Variants in BCL2L13 observed in about 807,000 individuals in gnomAD.
The protein encoded by BCL2L13 is bcl-2-like protein 13.
A neutral mutation model predicts 25.8 loss-of-function variants in BCL2L13; 13 were observed. That is an observed-to-expected ratio of 0.50 (90% CI 0.33 to 0.80). BCL2L13 has a LOEUF of 0.80. Ranked by LOEUF, BCL2L13 falls within the 30% of genes least tolerant of loss-of-function variation. BCL2L13 has a pLI of 0.02. For synonymous variants in BCL2L13, 244 were observed against 230.3 expected (o/e 1.06, Z -0.54); for missense variants, 504 against 574.9 (o/e 0.88, Z 1.26).
intron 4 of BCL2L13, among the ~76,000 whole-genome samples, chr22:17,694,755 C>T (rs949917850): frequency 6.6e-6 from 1 of 152,134 alleles, no homozygotes; most frequent in Non-Finnish European, 1.5e-5. Context: ...AACAGGCCAA[C>T]AACTGTGGTG....
At chr22:17,702,193 A>G (rs1482590320) in intron 5 of BCL2L13, 50 bp from the exon 6 acceptor site, 2 of 1,431,406 alleles carry the variant, frequency 1.4e-6, no homozygotes, top group South Asian at 1.3e-5. Flanking sequence ...TATAAAACAC[A>G]TTATAAGAAT....
chr22:17,646,499 G>T (rs5747307), intron 1 of BCL2L13, among the ~76,000 whole-genome samples: 128,863 of 150,686 alleles, frequency 0.86, 55,423 homozygotes, highest in East Asian at 0.94. Context: ...TCCGCCCACC[G>T]CACCCTCCCA....
At chr22:17,678,742 T>C (rs1397027591) in intron 2 of BCL2L13, among the ~76,000 whole-genome samples, 1 of 152,224 alleles carries the variant, frequency 6.6e-6, no homozygotes, top group African/African-American at 2.4e-5. Flanking sequence ...ATAAATAGTT[T>C]CATGTGCTGG....
In BCL2L13 at chr22:17,730,176, T is replaced by C. The variant is rs2145859377; in HGVS notation, c.*2642T>C. The C allele has an allele frequency of 6.6e-6, 1 of 152,326 alleles. No individual in the cohort carries two copies. Among genetic ancestry groups the C allele is most frequent in the African/African-American group, 2.4e-5 (1 of 41,560 alleles). 9.4% of individuals were successfully genotyped at this position (152,326 alleles called of 1,614,324 possible). On this transcript the variant is annotated 3_prime_UTR_variant, in exon 7 of 7. Transcript: ENST00000317582. Reference sequence around the variant, plus strand: ...GGGGGGAAAAAACAACGCCAATTTATCCTCTCTGTATTAAAGTGATAATTC... The same window carrying C: ...GGGGGGAAAAAACAACGCCAATTTACCCTCTCTGTATTAAAGTGATAATTC...
chr22:17,637,236 G>A (rs1194691513), upstream of BCL2L13, among the ~76,000 whole-genome samples: 1 of 151,674 alleles, frequency 6.6e-6, no homozygotes, highest in South Asian at 2.1e-4. Context: ...GAGAAACTCT[G>A]CCTCTACTAA....
rs2061335240 is a variant in BCL2L13, at chr22:17,727,727, C to T, written c.*193C>T. 1.7e-5 allele frequency: 12 copies of T among 715,470 alleles called. No individual in the cohort carries two copies. Among genetic ancestry groups the T allele is most frequent in the Non-Finnish European group, 2.5e-5 (11 of 443,494 alleles). The allele number at this position is 715,470 out of a possible 1,614,324, so 44.3% of individuals were successfully genotyped here. ...CATTCACATTCATCTGACTGTAAAT[C>T]CCAAGGGCCTCCGCTCATGCTAAAT... On this transcript the variant is annotated 3_prime_UTR_variant, in exon 7 of 7. Transcript: ENST00000317582.
At chr22:17,708,529 T>C (rs1182025543) in intron 6 of BCL2L13, among the ~76,000 whole-genome samples, 1 of 152,228 alleles carries the variant, frequency 6.6e-6, no homozygotes, top group Non-Finnish European at 1.5e-5. Context: ...GAAGGGCACA[T>C]GATAAGAATT....
chr22:17,690,393 A>C (rs1358057204), intron 4 of BCL2L13, among the ~76,000 whole-genome samples: 1 of 152,194 alleles, frequency 6.6e-6, no homozygotes, highest in Non-Finnish European at 1.5e-5. Flanking sequence ...TGTTAGAAGA[A>C]AGTAATTTGG....
intron 6 of BCL2L13, among the ~76,000 whole-genome samples, chr22:17,723,923 C>A (rs2061221553): frequency 1.4e-5 from 2 of 146,846 alleles, no homozygotes; most frequent in African/African-American, 2.5e-5. Flanking sequence ...CAGAGTGAGA[C>A]TCCGTCTCAA....
chr22:17,726,351 A>T (rs947227324), intron 6 of BCL2L13, among the ~76,000 whole-genome samples: 63 of 3,366 alleles, frequency 0.019, no homozygotes, highest in Admixed American at 0.11. Flanking sequence ...ACTCCATCTT[A>T]AAAAAAAAAA....
chr22:17,667,382 G>T lies in BCL2L13; in HGVS notation c.121+11550G>T, dbSNP rs549652807. On this transcript the variant is annotated intron_variant, in intron 2 of 6. Coordinates refer to ENST00000317582, the MANE Select transcript of BCL2L13 (RefSeq NM_015367.4). Reference sequence around the variant, plus strand: ...AGATGGGTTTCGCCATGTTGGTCAGGCTAGTCTCGAACTCCTGACCTCATG... The same window carrying T: ...AGATGGGTTTCGCCATGTTGGTCAGTCTAGTCTCGAACTCCTGACCTCATG... Among the ~76,000 whole-genome samples, 7 of 152,230 alleles carry T rather than the reference G, an allele frequency of 4.6e-5. No homozygotes were observed. The East Asian group carries it at 1.4e-3, about 29-fold the overall frequency.
At chr22:17,664,325 A>T (rs1488154198) in intron 2 of BCL2L13, among the ~76,000 whole-genome samples, 1 of 152,226 alleles carries the variant, frequency 6.6e-6, no homozygotes, top group Non-Finnish European at 1.5e-5. Flanking sequence ...CTTTGACTCC[A>T]TGTCTCACAT....
chr22:17,705,785 G>A (rs1396175603), intron 6 of BCL2L13, among the ~76,000 whole-genome samples: 2 of 151,980 alleles, frequency 1.3e-5, no homozygotes, highest in Admixed American at 6.6e-5. Flanking sequence ...TGATTTCCAC[G>A]GGGAATGTAT....
intron 6 of BCL2L13, among the ~76,000 whole-genome samples, chr22:17,709,094 G>C (rs1331239998): frequency 6.6e-6 from 1 of 152,022 alleles, no homozygotes. Context: ...AAATTAGCTG[G>C]GCGTGGTGGC....
intron 6 of BCL2L13, among the ~76,000 whole-genome samples, chr22:17,711,315 T>TTTTTTTTTTTTTTTTTA: frequency 3.3e-5 from 5 of 150,592 alleles, no homozygotes; most frequent in Non-Finnish European, 5.9e-5. Flanking sequence ...TTTTTTTTTT[T>TTTTTTTTTTTTTTTTTA]GAGACAGGGT....
rs770371325 is a variant in BCL2L13, at chr22:17,730,725, G to C, written c.*3191G>C. 1.2e-4 allele frequency: 18 copies of C among 152,044 alleles called. No individual in the cohort carries two copies. Among genetic ancestry groups the C allele is most frequent in the Non-Finnish European group, 2.5e-4 (17 of 68,018 alleles). 9.4% of individuals were successfully genotyped at this position (152,044 alleles called of 1,614,324 possible). A position where few individuals can be genotyped will look rare whatever the true frequency, so the allele number is the denominator to read the frequency against. ...ATCAAGACGGCCTTGTAGGCTATCT[G>C]ATTGCTAACAGACACGACCTAGAGC... On this transcript the variant is annotated 3_prime_UTR_variant, in exon 7 of 7. Transcript: ENST00000317582.
At chr22:17,630,589 T>C (rs2057992144) in intron 1 of BCL2L13, among the ~76,000 whole-genome samples, 1 of 146,238 alleles carries the variant, frequency 6.8e-6, no homozygotes, top group African/African-American at 2.7e-5. Context: ...TCTTTTTCTT[T>C]TCTTTTTTTT....
chr22:17,635,033 G>C (rs1210079968), upstream of BCL2L13, among the ~76,000 whole-genome samples: 1 of 151,304 alleles, frequency 6.6e-6, no homozygotes, highest in Non-Finnish European at 1.5e-5. Flanking sequence ...GTTTAGAGTC[G>C]ATAACCACAT....
At chr22:17,667,256 A>T (rs762567615) in intron 2 of BCL2L13, among the ~76,000 whole-genome samples, 1 of 151,452 alleles carries the variant, frequency 6.6e-6, no homozygotes, top group African/African-American at 2.4e-5. Context: ...ACTGCAACCT[A>T]CGCCTCCTGG....
Sources: gnomAD v4.1 joint callset for allele counts (sites outside exome capture counted in the v4.1 genomes callset) on GRCh38, gnomAD v4.1.1 for gene constraint, MANE v1.5 for transcripts, NCBI Gene and HGNC (gene_info 2026-07-23, HGNC 2026-07-21) for gene names.